Variants in ABCB5 observed in about 807,000 individuals in gnomAD.
ABCB5 encodes the protein ATP-binding cassette sub-family B member 5.
In ABCB5, 155 loss-of-function variants were observed where a neutral mutation model predicts 144.2. The observed-to-expected ratio is 1.08, with a 90% CI of 0.94 to 1.23. The LOEUF is 1.23. Among genes scored for constraint, ABCB5 ranks in the 50% most tolerant of loss-of-function variants. The pLI is 0.00. For missense variants in ABCB5, 1,830 were observed against 1,520.8 expected, an observed-to-expected ratio of 1.20 and a Z score of -3.38; for synonymous variants, 610 against 528.6, an observed-to-expected ratio of 1.15 and a Z score of -2.11.
rs556643591 is a variant in ABCB5, at chr7:20,681,434, A to T, written c.1708-71A>T. The T allele has an allele frequency of 1.4e-5, 21 of 1,529,766 alleles. No individual in the cohort carries two copies. In the African/African-American group the frequency reaches 1.9e-4, roughly 14 times the overall value. 94.8% of individuals were successfully genotyped at this position (1,529,766 alleles called of 1,614,324 possible). A position where few individuals can be genotyped will look rare whatever the true frequency, so the allele number is the denominator to read the frequency against. ...GAGCCACCATGCCGGGTCAACAAAGATTTCTTAAACAGTGCAAAGGTTGTT... is the reference window on the plus strand; with the variant it reads ...GAGCCACCATGCCGGGTCAACAAAGTTTTCTTAAACAGTGCAAAGGTTGTT... On this transcript the variant is annotated intron_variant, in intron 14 of 27. Coordinates refer to ENST00000404938, the MANE Select transcript of ABCB5 (RefSeq NM_001163941.2).
intron 25 of ABCB5, among the ~76,000 whole-genome samples, chr7:20,744,697 G>A (rs1782666110): frequency 6.6e-6 from 1 of 151,752 alleles, no homozygotes; most frequent in African/African-American, 2.4e-5. Flanking sequence ...CACCAACATG[G>A]CACATGTATA....
chr7:20,709,149 T>C (rs1387567634), intron 20 of ABCB5, among the ~76,000 whole-genome samples: 1 of 152,008 alleles, frequency 6.6e-6, no homozygotes, highest in African/African-American at 2.4e-5. Flanking sequence ...AATGGCAGCC[T>C]TATATAAGTT....
rs1187873730 is a variant in ABCB5, at chr7:20,704,771, A to G, written c.2385A>G (p.Thr795=). The change falls in exon 20 of 28, where the codon ACA becomes ACG. Residue 795 remains threonine (T), a synonymous_variant. Transcript: ENST00000404938. ...AGGAAAACAGCACAGGAGGCTTGAC[A>G]ACAATATTAGCCATAGATATAGCAC... The part of the protein sequence containing the change: ...DEKENSTGGL[T]TILAIDIAQI... 1.9e-6 allele frequency: 3 copies of G among 1,613,758 alleles called. No homozygotes were observed. In the African/African-American group the frequency reaches 4.0e-5, roughly 22 times the overall value.
rs767568928 is a variant in ABCB5 at position 20,628,758 on chromosome 7, C to T, written c.179C>T (p.Ala60Val). 2 of 1,613,598 alleles carry T rather than the reference C, an allele frequency of 1.2e-6. No homozygotes were observed. Among genetic ancestry groups the T allele is most frequent in the South Asian group, 2.2e-5 (2 of 91,048 alleles). The change falls in exon 4 of 28, where the codon GCC becomes GTC. Residue 60 changes from alanine to valine, a missense_variant. Ala to Val is a moderately conservative substitution (Grantham distance 64). Transcript: ENST00000404938. ...ATACTGGCATCACTGGTCAATGGAG[C>T]CTGCCTTCCTTTAATGCCACTGGTT... Reference protein sequence around the residue: ...LGILASLVNGACLPLMPLVLG... With the variant: ...LGILASLVNGVCLPLMPLVLG...
chr7:20,753,172 G>C (rs1448026416), intron 26 of ABCB5, among the ~76,000 whole-genome samples, 188 bp from the exon 27 acceptor site: 1 of 152,196 alleles, frequency 6.6e-6, no homozygotes, highest in Non-Finnish European at 1.5e-5. Context: ...ATGTAAATGA[G>C]ATGGTAGTGT....
At chr7:20,703,910 G>A (rs1023361244) in intron 19 of ABCB5, among the ~76,000 whole-genome samples, 1 of 151,956 alleles carries the variant, frequency 6.6e-6, no homozygotes, top group Non-Finnish European at 1.5e-5. Flanking sequence ...TGCCCTTTTA[G>A]CTTCTCACAA....
chr7:20,662,894 T>C (rs1276574866), intron 14 of ABCB5, among the ~76,000 whole-genome samples: 1 of 152,196 alleles, frequency 6.6e-6, no homozygotes, highest in Non-Finnish European at 1.5e-5. Context: ...TTACACGTAC[T>C]CTTGAGGGAG....
At chr7:20,619,197 T>A (rs189283697) in intron 1 of ABCB5, among the ~76,000 whole-genome samples, 25 of 152,138 alleles carry the variant, frequency 1.6e-4, no homozygotes, top group African/African-American at 6.0e-4. Context: ...GTAGCATGAT[T>A]TATTTTCCTT....
chr7:20,727,430 G>A (rs1007662032), intron 22 of ABCB5, among the ~76,000 whole-genome samples: 17 of 152,034 alleles, frequency 1.1e-4, no homozygotes, highest in African/African-American at 3.6e-4. Context: ...AATAACATAC[G>A]CAAGAAAGAA....
At chr7:20,670,693 T>C (rs1391800171) in intron 14 of ABCB5, among the ~76,000 whole-genome samples, 1 of 152,158 alleles carries the variant, frequency 6.6e-6, no homozygotes, top group African/African-American at 2.4e-5. Context: ...GCGCATCACC[T>C]GAGGTCGGGA....
chr7:20,644,057 T>A (rs574829646), intron 7 of ABCB5, among the ~76,000 whole-genome samples: 1 of 151,966 alleles, frequency 6.6e-6, no homozygotes, highest in Non-Finnish European at 1.5e-5. Flanking sequence ...TCTTTTTATA[T>A]CATCCTCTTA....
chr7:20,746,969 T>A (rs2128056458), intron 26 of ABCB5, among the ~76,000 whole-genome samples: 1 of 152,208 alleles, frequency 6.6e-6, no homozygotes, highest in South Asian at 2.1e-4. Flanking sequence ...CCAATAGCCA[T>A]CATACTCTCT....
At chr7:20,744,058 G>A (rs11763853) in intron 25 of ABCB5, among the ~76,000 whole-genome samples, 125,603 of 151,960 alleles carry the variant, frequency 0.83, 52,016 homozygotes, top group Admixed American at 0.85. Context: ...GCTTTTGTAC[G>A]TTTTTTGTTT....
chr7:20,645,863 G>GA lies in ABCB5; in HGVS notation c.786_787insA (p.Glu263ArgfsTer53), dbSNP rs780893436. On this transcript the variant is annotated frameshift_variant, in exon 8 of 28. Transcript: ENST00000404938. LOFTEE classifies it high-confidence loss of function. ...GAACAGTCATAGCCTTTAGGGCCCA[G>GA]GAGAAAGAACTTCAAAGGTCTTTCC... 6.2e-7 allele frequency: 1 copy of GA among 1,613,662 alleles called. No homozygotes were observed. The highest frequency in any genetic ancestry group is 1.1e-5 in the South Asian group (1 of 91,024).
intron 13 of ABCB5, among the ~76,000 whole-genome samples, chr7:20,652,333 C>T (rs986712332): frequency 2.6e-5 from 4 of 152,100 alleles, no homozygotes; most frequent in Non-Finnish European, 4.4e-5. Flanking sequence ...TGTGGGAGGC[C>T]GAGGTGGGCA....
At chr7:20,696,844 T>C (rs1786434175) in intron 16 of ABCB5, among the ~76,000 whole-genome samples, 1 of 152,070 alleles carries the variant, frequency 6.6e-6, no homozygotes, top group Non-Finnish European at 1.5e-5. Flanking sequence ...ATTTAAATGA[T>C]ACCATTTTAA....
intron 16 of ABCB5, among the ~76,000 whole-genome samples, chr7:20,690,368 G>T (rs1583428393): frequency 6.6e-6 from 1 of 152,258 alleles, no homozygotes; most frequent in Non-Finnish European, 1.5e-5. Context: ...TAGGTTACTT[G>T]TTAAATATTT....
At chr7:20,678,765 T>C (rs1158545379) in intron 14 of ABCB5, among the ~76,000 whole-genome samples, 1 of 152,242 alleles carries the variant, frequency 6.6e-6, no homozygotes, top group Non-Finnish European at 1.5e-5. Flanking sequence ...AGCATAGCAT[T>C]GGTGCAGTGA....
At chr7:20,656,170 G>A (rs995760358) in intron 13 of ABCB5, among the ~76,000 whole-genome samples, 11 of 152,022 alleles carry the variant, frequency 7.2e-5, no homozygotes, top group African/African-American at 1.7e-4. Context: ...ATTGTAAAGC[G>A]TAAACTTCAA....
Sources: gnomAD v4.1 joint callset for allele counts (sites outside exome capture counted in the v4.1 genomes callset) on GRCh38, gnomAD v4.1.1 for gene constraint, MANE v1.5 for transcripts, NCBI Gene and HGNC (gene_info 2026-07-23, HGNC 2026-07-21) for gene names.